RALY: variants seen among roughly 807,000 people sequenced by gnomAD.
The protein encoded by RALY is RNA-binding protein Raly.
Under a neutral mutation model 30.7 loss-of-function variants are expected in RALY, and 15 were observed. The observed-to-expected ratio is 0.49, with a 90% CI of 0.33 to 0.75. The LOEUF (loss-of-function observed/expected upper bound fraction) is 0.75, where lower values mean the gene tolerates loss of function less well. Among genes scored for constraint, RALY ranks in the 30% least tolerant of loss-of-function variants. The probability of loss-of-function intolerance (pLI) is 0.02; values close to 1 mark genes in which losing one functional copy is unlikely to be tolerated. For synonymous variants in RALY, 177 were observed against 170.8 expected, an observed-to-expected ratio of 1.04 and a Z score of -0.28; for missense variants, 339 against 414.3, an observed-to-expected ratio of 0.82 and a Z score of 1.58.
At chr20:34,001,046 C>T (rs2030891405) in intron 1 of RALY, among the ~76,000 whole-genome samples, 1 of 152,162 alleles carries the variant, frequency 6.6e-6, no homozygotes, top group Non-Finnish European at 1.5e-5. Context: ...ATTCTGGGTT[C>T]ACAAAAGATA....
intron 2 of RALY, among the ~76,000 whole-genome samples, chr20:34,066,354 C>T (rs2033571860): frequency 6.6e-6 from 1 of 152,042 alleles, no homozygotes; most frequent in Non-Finnish European, 1.5e-5. Flanking sequence ...TGGCGGGCAC[C>T]TGTAGTACCA....
chr20:34,082,958 A>G lies in RALY; in HGVS notation c.*3053A>G, dbSNP rs1760550555. The G allele has an allele frequency of 6.6e-6, 1 of 152,220 alleles. No individual in the cohort carries two copies. The highest frequency in any genetic ancestry group is 1.5e-5 in the Non-Finnish European group (1 of 68,054). The allele number at this position is 152,220 out of a possible 1,614,324, so 9.4% of individuals were successfully genotyped here. A position where few individuals can be genotyped will look rare whatever the true frequency, so the allele number is the denominator to read the frequency against. ...TGAAAGAATAGAGCAGCCAGTGGGTATACTGGATTGTGAGCTAAGAGGCCT... is the reference window on the plus strand; with the variant it reads ...TGAAAGAATAGAGCAGCCAGTGGGTGTACTGGATTGTGAGCTAAGAGGCCT... On this transcript the variant is annotated 3_prime_UTR_variant, in exon 10 of 10. Coordinates refer to ENST00000246194, the MANE Select transcript of RALY (RefSeq NM_016732.3).
intron 9 of RALY, among the ~76,000 whole-genome samples, chr20:34,079,629 C>T (rs1175212303): frequency 6.6e-6 from 1 of 152,186 alleles, no homozygotes; most frequent in Non-Finnish European, 1.5e-5. Flanking sequence ...ACCTCCATAT[C>T]CAGCCATCCT....
chr20:34,034,594 A>G (rs2032409092), intron 2 of RALY, among the ~76,000 whole-genome samples: 1 of 152,238 alleles, frequency 6.6e-6, no homozygotes, highest in African/African-American at 2.4e-5. Flanking sequence ...CCCATATAAT[A>G]GCTTATTTAT....
chr20:34,072,231 G>A lies in RALY; in HGVS notation c.157G>A (p.Val53Met). 1 of 1,614,254 alleles carries A rather than the reference G, an allele frequency of 6.2e-7. No homozygotes were observed. The highest frequency in any genetic ancestry group is 1.1e-5 in the South Asian group (1 of 91,082). Residue 53 changes from valine to methionine, a missense_variant, in exon 3 of 10, where the codon GTG (valine) becomes ATG (methionine). Transcript: ENST00000246194. ...SKYGRVAGCS[V>M]HKGYAFVQYS... ...GTATGGCCGTGTGGCCGGCTGTTCT[G>A]TGCACAAGGGCTATGCCTTTGTTCA... is the stretch of plus-strand genomic sequence containing the variant.
chr20:34,056,901 G>C lies in RALY; in HGVS notation c.-9-15165G>C, dbSNP rs1601484094. Among the ~76,000 whole-genome samples the C allele has an allele frequency of 2.6e-5, 4 of 152,268 alleles. No individual in the cohort carries two copies. In the South Asian group the frequency reaches 8.3e-4, roughly 32 times the overall value. The stretch of plus-strand genomic sequence containing the variant: ...GAGCCAATAAAATGTTCATATATTT[G>C]ACCAGTCATTCCACTTCTGGGAGTC... On this transcript the variant is annotated intron_variant, in intron 2 of 9. Transcript: ENST00000246194.
At chr20:34,061,965 T>C (rs1158385100) in intron 2 of RALY, among the ~76,000 whole-genome samples, 2 of 152,238 alleles carry the variant, frequency 1.3e-5, no homozygotes, top group Non-Finnish European at 1.5e-5. Context: ...CTTACTTTGT[T>C]ACCTTGGGCA....
chr20:34,057,789 G>C (rs1262247782), intron 2 of RALY, among the ~76,000 whole-genome samples: 1 of 152,182 alleles, frequency 6.6e-6, no homozygotes, highest in Non-Finnish European at 1.5e-5. Context: ...TGGAGAGAGG[G>C]GGGCTACATT....
chr20:34,017,953 T>C (rs2031670689), intron 1 of RALY, among the ~76,000 whole-genome samples: 1 of 152,212 alleles, frequency 6.6e-6, no homozygotes, highest in South Asian at 2.1e-4. Flanking sequence ...TAAGGAATTC[T>C]GAGATTCCAA....
chr20:34,070,149 A>G (rs908492080), intron 2 of RALY, among the ~76,000 whole-genome samples: 10 of 152,194 alleles, frequency 6.6e-5, no homozygotes, highest in Admixed American at 5.9e-4. Flanking sequence ...AGTCCCCCCA[A>G]AATATTAGGT....
At chr20:34,019,445 T>A (rs2031733245) in intron 1 of RALY, among the ~76,000 whole-genome samples, 1 of 152,192 alleles carries the variant, frequency 6.6e-6, no homozygotes. Flanking sequence ...AGTGGTTACC[T>A]GGCCAGACCC....
intron 2 of RALY, among the ~76,000 whole-genome samples, chr20:34,035,184 A>AAAAAAAC (rs2032447985): frequency 7.0e-6 from 1 of 142,878 alleles, no homozygotes; most frequent in Non-Finnish European, 1.5e-5. Flanking sequence ...AAAAAAAAAA[A>AAAAAAAC]AAACAGTCTG....
intron 1 of RALY, among the ~76,000 whole-genome samples, chr20:34,028,157 G>T (rs189302483): frequency 3.9e-5 from 6 of 152,178 alleles, no homozygotes; most frequent in African/African-American, 9.6e-5. Context: ...GTGGTGGCAC[G>T]TGCCTGTAAT....
chr20:34,030,313 A>G (rs1358208458), intron 1 of RALY, among the ~76,000 whole-genome samples: 1 of 152,270 alleles, frequency 6.6e-6, no homozygotes, highest in Non-Finnish European at 1.5e-5. Context: ...GTAAAATAAC[A>G]TACCAACCTT....
chr20:34,072,023 C>A, intron 2 of RALY, 43 bp from the exon 3 acceptor site: 1 of 1,596,152 alleles, frequency 6.3e-7, no homozygotes, highest in Non-Finnish European at 8.5e-7. Context: ...AGTCCTTGAG[C>A]CCAGCCCAGG....
At chr20:34,036,683 T>G (rs886073717) in intron 2 of RALY, among the ~76,000 whole-genome samples, 9 of 152,230 alleles carry the variant, frequency 5.9e-5, no homozygotes, top group Non-Finnish European at 1.3e-4. Flanking sequence ...GTTGGAAGAG[T>G]TTAAAATTAC....
At chr20:34,030,442 C>T (rs537761054) in intron 1 of RALY, among the ~76,000 whole-genome samples, 3 of 152,280 alleles carry the variant, frequency 2.0e-5, no homozygotes, top group South Asian at 4.1e-4. Flanking sequence ...TTCCTGGGAA[C>T]GAATATATAG....
At chr20:34,059,216 G>T (rs2033345474) in intron 2 of RALY, among the ~76,000 whole-genome samples, 1 of 152,188 alleles carries the variant, frequency 6.6e-6, no homozygotes, top group Non-Finnish European at 1.5e-5. Context: ...GGGCTGTGAG[G>T]GGTGCCACTC....
intron 2 of RALY, among the ~76,000 whole-genome samples, chr20:34,040,859 A>T (rs2032672808): frequency 6.6e-6 from 1 of 152,204 alleles, no homozygotes; most frequent in Non-Finnish European, 1.5e-5. Flanking sequence ...GCTGTAAGGT[A>T]AGCTGTTTCC....
Sources: allele counts gnomAD v4.1 joint callset (sites outside exome capture counted in the v4.1 genomes callset), GRCh38; gene constraint gnomAD v4.1.1; transcripts MANE v1.5; gene names NCBI Gene and HGNC (gene_info 2026-07-23, HGNC 2026-07-21).